PDE7A: variants seen among roughly 807,000 people sequenced by gnomAD.
PDE7A encodes phosphodiesterase 7A, also known as high affinity 3',5'-cyclic-AMP phosphodiesterase 7A.
A neutral mutation model predicts 64.3 loss-of-function variants in PDE7A; 39 were observed. The observed-to-expected ratio is 0.61, with a 90% CI of 0.47 to 0.79. PDE7A has a LOEUF of 0.79. PDE7A is among the 30% of genes least tolerant of loss of function. The pLI, the probability that PDE7A is intolerant of heterozygous loss-of-function variation, is 0.00. For missense variants in PDE7A, 470 were observed against 582.8 expected (o/e 0.81, Z 1.99); for synonymous variants, 203 against 206.8 (o/e 0.98, Z 0.16).
At chr8:65,737,009 G>A (rs1372322047) in intron 6 of PDE7A, among the ~76,000 whole-genome samples, 1 of 150,492 alleles carries the variant, frequency 6.6e-6, no homozygotes, top group African/African-American at 2.4e-5. Context: ...CAGCCTGGAT[G>A]AGGTGGGAGG....
chr8:65,795,497 A>G (rs1313334484), intron 1 of PDE7A, among the ~76,000 whole-genome samples: 2 of 152,194 alleles, frequency 1.3e-5, no homozygotes, highest in African/African-American at 4.8e-5. Context: ...ATTAGACTCC[A>G]TGAGGCCAGA....
intron 1 of PDE7A, among the ~76,000 whole-genome samples, chr8:65,797,273 A>C (rs1461817467): frequency 1.3e-5 from 2 of 152,190 alleles, no homozygotes. Flanking sequence ...TCAAGTTAAG[A>C]TGAGGGCATA....
intron 3 of PDE7A, among the ~76,000 whole-genome samples, chr8:65,762,715 AT>A (rs201855355): frequency 1.3e-5 from 2 of 151,038 alleles, no homozygotes; most frequent in African/African-American, 2.4e-5. Flanking sequence ...ATGTCATACC[AT>A]TTTTTTTAAC....
At position 65,734,963 on chromosome 8, in the gene PDE7A, A is replaced by G. The variant is rs964730784; in HGVS notation, c.596-69T>C. 6 of 971,726 alleles carry G rather than the reference A, an allele frequency of 6.2e-6. No individual in the cohort carries two copies. The African/African-American group carries it at 9.6e-5, about 16-fold the overall frequency. 60.2% of individuals were successfully genotyped at this position (971,726 alleles called of 1,614,324 possible). A position where few individuals can be genotyped will look rare whatever the true frequency, so the allele number is the denominator to read the frequency against. On this transcript the variant is annotated intron_variant, in intron 6 of 12. Transcript: ENST00000401827. ...CATATACAAGGACAAAAATTGTGAT[A>G]ATTATGAGTTACCCACTCATACTTT...
At chr8:65,761,796 C>T (rs1314366063) in intron 3 of PDE7A, among the ~76,000 whole-genome samples, 4 of 152,196 alleles carry the variant, frequency 2.6e-5, no homozygotes, top group African/African-American at 7.2e-5. Flanking sequence ...TTTTCTGTTG[C>T]TTTCCCCTCC....
At chr8:65,743,250 CAAG>C (rs1280748121) in intron 5 of PDE7A, among the ~76,000 whole-genome samples, 1 of 152,060 alleles carries the variant, frequency 6.6e-6, no homozygotes, top group Non-Finnish European at 1.5e-5. Context: ...TTTCCCTGAG[CAAG>C]AAGAAGGTGG....
intron 7 of PDE7A, among the ~76,000 whole-genome samples, chr8:65,733,232 GCT>G (rs1195866928): frequency 1.3e-5 from 2 of 152,138 alleles, no homozygotes; most frequent in Non-Finnish European, 2.9e-5. Context: ...TCCCCACCCT[GCT>G]CACCTGGCAT....
At chr8:65,730,193 T>TTTTTTTTTTTC (rs1321443430) in intron 7 of PDE7A, among the ~76,000 whole-genome samples, 19 of 137,066 alleles carry the variant, frequency 1.4e-4, no homozygotes, top group African/African-American at 4.9e-4. Context: ...TTTTTTTTTT[T>TTTTTTTTTTTC]TTTTGAGATG....
intron 3 of PDE7A, among the ~76,000 whole-genome samples, chr8:65,764,226 T>C (rs1420065847): frequency 6.6e-6 from 1 of 152,184 alleles, no homozygotes; most frequent in African/African-American, 2.4e-5. Context: ...GATATCGCCA[T>C]AAACTATTAA....
chr8:65,837,803 C>T (rs953756321), intron 1 of PDE7A, among the ~76,000 whole-genome samples: 2 of 152,188 alleles, frequency 1.3e-5, no homozygotes, highest in Admixed American at 6.5e-5. Flanking sequence ...GGTAACTAGG[C>T]AGCAGAGCAG....
chr8:65,828,227 C>T (rs1189782976), intron 1 of PDE7A, among the ~76,000 whole-genome samples: 2 of 151,786 alleles, frequency 1.3e-5, no homozygotes, highest in African/African-American at 4.8e-5. Flanking sequence ...GCACTGTTAA[C>T]ATTATACTGA....
intron 1 of PDE7A, among the ~76,000 whole-genome samples, chr8:65,807,555 T>C (rs1258907490): frequency 6.6e-6 from 1 of 152,204 alleles, no homozygotes; most frequent in Non-Finnish European, 1.5e-5. Flanking sequence ...CTAGAACCTT[T>C]AGTTCAATGC....
At chr8:65,841,308 TG>T in intron 1 of PDE7A, 62 bp downstream of exon 1, 1 of 1,416,598 alleles carries the variant, frequency 7.1e-7, no homozygotes, top group Non-Finnish European at 9.3e-7. Context: ...GAGGTGAAGC[TG>T]GGTGGGCAGA....
chr8:65,779,786 T>A lies in PDE7A; in HGVS notation c.217A>T (p.Ser73Cys). 1 of 1,596,744 alleles carries A rather than the reference T, an allele frequency of 6.3e-7. No homozygotes were observed. The highest frequency in any genetic ancestry group is 8.6e-7 in the Non-Finnish European group (1 of 1,167,062). ...IRMLGDVRVR[S>C]RAGFESERRG... ...CTTTCTGATTCAAATCCTGCTCGGC[T>A]CCTTACACGTACATCTCCTGGACAG... The change falls in exon 3 of 13, where the codon AGC (serine) becomes TGC (cysteine). Residue 73 changes from serine (S) to cysteine (C), a missense_variant. Physicochemically the swap from Ser to Cys is moderately radical, Grantham distance 112. Coordinates refer to ENST00000401827, the MANE Select transcript of PDE7A (RefSeq NM_001242318.3).
intron 3 of PDE7A, among the ~76,000 whole-genome samples, chr8:65,750,467 A>G (rs148206446): frequency 7.2e-6 from 1 of 137,940 alleles, no homozygotes; most frequent in African/African-American, 2.8e-5. Flanking sequence ...TATGTAAATT[A>G]GAATCACTGT....
intron 1 of PDE7A, among the ~76,000 whole-genome samples, chr8:65,795,420 A>T (rs1320793784): frequency 6.6e-6 from 1 of 152,212 alleles, no homozygotes; most frequent in Non-Finnish European, 1.5e-5. Flanking sequence ...GAGGACAAGG[A>T]GCTCCAGAAG....
intron 3 of PDE7A, among the ~76,000 whole-genome samples, chr8:65,762,381 T>C (rs1304949544): frequency 2.0e-5 from 3 of 152,212 alleles, no homozygotes; most frequent in Non-Finnish European, 4.4e-5. Flanking sequence ...ATCAGCTAGG[T>C]GTCTGCAGCA....
At chr8:65,748,333 C>T (rs1487339568) in intron 3 of PDE7A, among the ~76,000 whole-genome samples, 1 of 152,056 alleles carries the variant, frequency 6.6e-6, no homozygotes. Context: ...GAAGGGGGAG[C>T]AAAGTGGTTT....
chr8:65,748,206 A>G (rs1277175293), intron 3 of PDE7A, among the ~76,000 whole-genome samples: 2 of 152,170 alleles, frequency 1.3e-5, no homozygotes, highest in African/African-American at 4.8e-5. Context: ...ACTACTAGAA[A>G]AGCCAGGTCC....
Sources: allele counts gnomAD v4.1 joint callset (sites outside exome capture counted in the v4.1 genomes callset), GRCh38; gene constraint gnomAD v4.1.1; transcripts MANE v1.5; gene names NCBI Gene and HGNC (gene_info 2026-07-23, HGNC 2026-07-21).